Variants in SGCE observed in about 807,000 individuals in gnomAD.
SGCE encodes sarcoglycan epsilon, also known as epsilon-sarcoglycan.
In SGCE, 26 loss-of-function variants were observed where a neutral mutation model predicts 57.8. The observed-to-expected ratio is 0.45, with a 90% CI of 0.33 to 0.62. SGCE has a LOEUF of 0.62. SGCE is among the 20% of genes least tolerant of loss of function. SGCE has a pLI of 0.02. For synonymous variants in SGCE, 183 were observed against 189.5 expected, an observed-to-expected ratio of 0.97 and a Z score of 0.28; for missense variants, 468 against 548.6, an observed-to-expected ratio of 0.85 and a Z score of 1.47.
rs114387210 is a variant in SGCE, at chr7:94,595,602, A to G, written c.1253+3173T>C. ...GTAATGCCTCCCAAAATATAATATC[A>G]CATTTTAATCTTGAGAATTCAATTC... On this transcript the variant is annotated intron_variant, in intron 9 of 10. Transcript: ENST00000648936. Among the ~76,000 whole-genome samples, 1,370 of 152,154 alleles carry G rather than the reference A, an allele frequency of 9.0e-3. 19 individuals are homozygous for G. The highest frequency in any genetic ancestry group is 0.031 in the African/African-American group (1,296 of 41,552).
chr7:94,629,509 A>T, intron 2 of SGCE: 1 of 483,740 alleles, frequency 2.1e-6, no homozygotes, highest in South Asian at 2.2e-5. Context: ...AGAATCCAGA[A>T]ATATGCTTTC....
intron 3 of SGCE, chr7:94,624,081 C>T: frequency 5.1e-6 from 2 of 392,766 alleles, no homozygotes; most frequent in East Asian, 7.2e-5. Context: ...CAAAGGCCAA[C>T]AACAGGATAT....
chr7:94,599,942 G>T, intron 7 of SGCE: 1 of 405,712 alleles, frequency 2.5e-6, no homozygotes, highest in Non-Finnish European at 4.4e-6. Flanking sequence ...TGAAAAAAAT[G>T]GAGATTAAGA....
chr7:94,595,156 A>T (rs1004958997), intron 9 of SGCE, among the ~76,000 whole-genome samples: 1 of 152,136 alleles, frequency 6.6e-6, no homozygotes, highest in Admixed American at 6.6e-5. Context: ...CTTACTGACT[A>T]ATTTATGGTG....
intron 1 of SGCE, chr7:94,640,991 A>C (rs1442341594): frequency 6.6e-6 from 1 of 152,276 alleles, no homozygotes; most frequent in Non-Finnish European, 1.5e-5. Flanking sequence ...AAGAATGCTC[A>C]AAAGGTAAGA....
intron 9 of SGCE, among the ~76,000 whole-genome samples, chr7:94,592,535 CATTA>C (rs927550732): frequency 3.5e-4 from 54 of 152,176 alleles, no homozygotes; most frequent in Middle Eastern, 6.8e-3. Context: ...AAATTATTAG[CATTA>C]ATTATTTTCT....
At chr7:94,644,506 T>C in intron 1 of SGCE, 1 of 428,888 alleles carries the variant, frequency 2.3e-6, no homozygotes, top group South Asian at 2.1e-5. Flanking sequence ...AATCAGAATA[T>C]CAAGGAAGGG....
intron 10 of SGCE, 140 bp from the exon 11 acceptor site, chr7:94,585,655 C>G: frequency 1.5e-6 from 1 of 659,076 alleles, no homozygotes; most frequent in Non-Finnish European, 2.8e-6. Flanking sequence ...CATTATTTCT[C>G]TGTATTTGGT....
intron 6 of SGCE, among the ~76,000 whole-genome samples, chr7:94,601,443 CAAAAAAAAAAAA>C (rs71123905): frequency 1.2e-4 from 11 of 89,352 alleles, no homozygotes; most frequent in African/African-American, 4.0e-4. Flanking sequence ...ATCCCAGTAT[CAAAAAAAAAAAA>C]AAAAAAAAAA....
At chr7:94,643,018 G>T (rs943404478) in intron 1 of SGCE, among the ~76,000 whole-genome samples, 1 of 152,178 alleles carries the variant, frequency 6.6e-6, no homozygotes, top group African/African-American at 2.4e-5. Flanking sequence ...CATGAACTGG[G>T]TAGTTACCAT....
At chr7:94,589,178 A>G (rs930816380) in intron 9 of SGCE, 3 of 186,680 alleles carry the variant, frequency 1.6e-5, no homozygotes, top group East Asian at 2.5e-4. Flanking sequence ...CACTATCCCA[A>G]ACATCTGTGC....
rs1194137933 is a variant in SGCE at position 94,618,859 on chromosome 7, C to T, written c.561G>A (p.Val187=). 2 of 1,614,060 alleles carry T rather than the reference C, an allele frequency of 1.2e-6. No homozygotes were observed. Among genetic ancestry groups the T allele is most frequent in the African/African-American group, 2.7e-5 (2 of 75,024 alleles). Residue 187 remains valine (V), a synonymous_variant, in exon 5 of 11, where the codon GTG becomes GTA. Transcript: ENST00000648936. ...GGCGCTCTGGCTGCCACACATTTTT[C>T]ACTGCGCCAAGAAAGTCTCCAAGAA... ...SEVLGDFLGA[V]KNVWQPERLN...
intron 1 of SGCE, among the ~76,000 whole-genome samples, chr7:94,641,505 A>G (rs1001877341): frequency 1.3e-5 from 2 of 152,196 alleles, no homozygotes; most frequent in Admixed American, 1.3e-4. Flanking sequence ...GAACAGGAGC[A>G]TAACTGATAA....
chr7:94,626,937 A>G (rs1040390724), intron 3 of SGCE: 12 of 152,050 alleles, frequency 7.9e-5, no homozygotes, highest in Admixed American at 6.6e-4. Context: ...TTCCATAACT[A>G]TCATGACAAT....
chr7:94,594,885 A>G (rs1347349506), intron 9 of SGCE, among the ~76,000 whole-genome samples: 2 of 152,122 alleles, frequency 1.3e-5, no homozygotes, highest in African/African-American at 4.8e-5. Flanking sequence ...AAGCAAAAGA[A>G]ACACAGTACA....
intron 4 of SGCE, chr7:94,619,838 C>T (rs996271117): frequency 6.6e-6 from 1 of 152,114 alleles, no homozygotes; most frequent in African/African-American, 2.4e-5. Flanking sequence ...GGTCCAGAAG[C>T]TTATCTCATA....
chr7:94,605,868 C>A (rs1391051482), intron 5 of SGCE, among the ~76,000 whole-genome samples: 2 of 152,028 alleles, frequency 1.3e-5, no homozygotes, highest in African/African-American at 4.8e-5. Context: ...CACAGTCTCG[C>A]CCTGTCACCC....
intron 3 of SGCE, chr7:94,624,192 T>C (rs1244913997): frequency 2.5e-6 from 1 of 395,056 alleles, no homozygotes; most frequent in African/African-American, 2.1e-5. Flanking sequence ...AATGATTGTG[T>C]CAAAATCTTA....
chr7:94,598,706 C>G, intron 9 of SGCE, 69 bp downstream of exon 9: 1 of 1,073,094 alleles, frequency 9.3e-7, no homozygotes, highest in Non-Finnish European at 1.5e-6. Context: ...ACAGAAAGCT[C>G]TGTTCTTTAC....
Sources: allele counts gnomAD v4.1 joint callset (sites outside exome capture counted in the v4.1 genomes callset), GRCh38; gene constraint gnomAD v4.1.1; transcripts MANE v1.5; gene names NCBI Gene and HGNC (gene_info 2026-07-23, HGNC 2026-07-21).